Variants in ADGB observed in about 807,000 individuals in gnomAD.
ADGB encodes the protein calpain-7-like protein.
Under a neutral mutation model 210.5 loss-of-function variants are expected in ADGB, and 172 were observed. The ratio of observed to expected loss-of-function variants is 0.82; its 90% CI spans 0.72 to 0.93. ADGB has a LOEUF of 0.93. ADGB is among the 40% of genes least tolerant of loss of function. ADGB has a pLI of 0.00. For synonymous variants in ADGB, 658 were observed against 662.7 expected (o/e 0.99, Z 0.11); for missense variants, 2,025 against 1,964.8 (o/e 1.03, Z -0.58).
At chr6:146,713,741 T>G (rs547936239) in intron 13 of ADGB, among the ~76,000 whole-genome samples, 1 of 151,588 alleles carries the variant, frequency 6.6e-6, no homozygotes, top group Admixed American at 6.6e-5. Context: ...AGAAGTTTTC[T>G]TTTTTTTTAT....
chr6:146,797,391 TAC>T (rs1778061418), intron 33 of ADGB, among the ~76,000 whole-genome samples: 1 of 152,096 alleles, frequency 6.6e-6, no homozygotes, highest in African/African-American at 2.4e-5. Flanking sequence ...AAAAGACACT[TAC>T]ACACACATGT....
Position 146,788,409 on chromosome 6 carries a change from G to A in ADGB, c.4336G>A (p.Val1446Ile), listed in dbSNP as rs779358253. 115 of 1,551,518 alleles carry A rather than the reference G, an allele frequency of 7.4e-5. No homozygotes were observed. Among genetic ancestry groups the A allele is most frequent in the Middle Eastern group, 1.7e-4 (1 of 5,994 alleles). ...KEEVETAARG[V>I]KEPNSKNSAG... Reference sequence around the variant, plus strand: ...TGTAGTAGAAACAGCTGCACGTGGCGTAAAAGAACCAAACTCAAAGAATTC... The same window carrying A: ...TGTAGTAGAAACAGCTGCACGTGGCATAAAAGAACCAAACTCAAAGAATTC... Residue 1446 changes from valine (V) to isoleucine (I), a missense_variant, in exon 33 of 36, where the codon GTA (valine) becomes ATA (isoleucine). Val to Ile is a conservative substitution (Grantham distance 29). Coordinates refer to ENST00000397944, the MANE Select transcript of ADGB (RefSeq NM_024694.4).
intron 19 of ADGB, among the ~76,000 whole-genome samples, chr6:146,727,647 A>AG (rs1189976406): frequency 6.6e-6 from 1 of 152,198 alleles, no homozygotes; most frequent in Non-Finnish European, 1.5e-5. Flanking sequence ...CTCAAGTCCA[A>AG]GAAGCAAAAG....
Position 146,599,101 on chromosome 6 carries a change from G to T in ADGB, c.61G>T (p.Asp21Tyr). Residue 21 changes from aspartate to tyrosine, a missense_variant, in exon 1 of 36, where the codon GAT becomes TAT. Physicochemically the swap from Asp to Tyr is radical, Grantham distance 160. Transcript: ENST00000397944. Reference protein sequence around the residue: ...VHRINSAHGSDKSKDFYPFGS... With the variant: ...VHRINSAHGSYKSKDFYPFGS... The stretch of plus-strand genomic sequence containing the variant: ...TCGTATCAACTCGGCGCACGGATCG[G>T]ATAAATCGAAAGAGTAAGGGACCTC... 6.4e-7 allele frequency: 1 copy of T among 1,551,680 alleles called. No homozygotes were observed. Among genetic ancestry groups the T allele is most frequent in the Non-Finnish European group, 8.7e-7 (1 of 1,146,952 alleles).
At chr6:146,634,513 A>G (rs1397716761) in intron 1 of ADGB, among the ~76,000 whole-genome samples, 4 of 152,120 alleles carry the variant, frequency 2.6e-5, no homozygotes, top group African/African-American at 4.8e-5. Context: ...TGAACATTAA[A>G]TAATATACCT....
intron 10 of ADGB, among the ~76,000 whole-genome samples, chr6:146,686,577 G>C (rs1218853637): frequency 1.3e-5 from 2 of 151,920 alleles, no homozygotes; most frequent in Admixed American, 1.3e-4. Context: ...TATGTTTAGT[G>C]CTTGCGTAGT....
In ADGB at chr6:146,648,847, G is replaced by A. The variant is rs1034067440; in HGVS notation, c.330+3982G>A. 2.6e-5 allele frequency among the ~76,000 whole-genome samples: 4 copies of A among 151,488 alleles called. 1 individual carries two copies. In the South Asian group the frequency reaches 6.3e-4, roughly 24 times the overall value. On this transcript the variant is annotated intron_variant, in intron 3 of 35. Coordinates refer to ENST00000397944, the MANE Select transcript of ADGB (RefSeq NM_024694.4). The stretch of plus-strand genomic sequence containing the variant: ...ATATTAACTAAAATTTATATTTTTA[G>A]TAATGTTAAATTTTCATGAAAACCT...
chr6:146,624,796 A>C (rs552406930), intron 1 of ADGB, among the ~76,000 whole-genome samples: 7 of 152,006 alleles, frequency 4.6e-5, no homozygotes, highest in Non-Finnish European at 1.0e-4. Flanking sequence ...TATTTTATTC[A>C]AAATGTTTTC....
chr6:146,769,249 TTATAATTTGTACTC>T (rs1777619654), intron 29 of ADGB, 118 bp downstream of exon 29: 1 of 531,538 alleles, frequency 1.9e-6, no homozygotes, highest in African/African-American at 1.9e-5. Flanking sequence ...TTATTACACA[TTATAATTTGTACTC>T]TATATCCTGT....
chr6:146,637,385 A>C (rs756508379), intron 2 of ADGB, among the ~76,000 whole-genome samples: 49 of 152,006 alleles, frequency 3.2e-4, no homozygotes, highest in Non-Finnish European at 3.7e-4. Context: ...AAAATTTTGC[A>C]TATAATTTTA....
chr6:146,784,110 C>G (rs1777838607), intron 30 of ADGB, among the ~76,000 whole-genome samples: 1 of 152,262 alleles, frequency 6.6e-6, no homozygotes, highest in African/African-American at 2.4e-5. Flanking sequence ...ATGACCCTAT[C>G]AAGATATAAA....
chr6:146,648,384 G>A (rs1775652525), intron 3 of ADGB, among the ~76,000 whole-genome samples: 1 of 151,946 alleles, frequency 6.6e-6, no homozygotes, highest in African/African-American at 2.4e-5. Flanking sequence ...CTACTATAAA[G>A]ACATACCTGA....
At chr6:146,670,913 G>A (rs970764540) in intron 7 of ADGB, among the ~76,000 whole-genome samples, 2 of 152,208 alleles carry the variant, frequency 1.3e-5, no homozygotes, top group Admixed American at 6.6e-5. Context: ...AATTCCTGCA[G>A]AGGATAATAC....
chr6:146,614,980 A>C (rs942398471), intron 1 of ADGB, among the ~76,000 whole-genome samples: 1 of 152,068 alleles, frequency 6.6e-6, no homozygotes, highest in Non-Finnish European at 1.5e-5. Context: ...GGCTCCCTGC[A>C]GGCTTCGCCT....
Position 146,733,929 on chromosome 6 carries a change from G to A in ADGB, c.2693G>A (p.Ser898Asn). ...WLDVKYCMPT[S>N]DKEYSAEEVA... Reference sequence around the variant, plus strand: ...GACGTTAAATATTGTATGCCCACAAGTGATAAAGAGTATTCTGCTGAGGAA... The same window carrying A: ...GACGTTAAATATTGTATGCCCACAAATGATAAAGAGTATTCTGCTGAGGAA... Residue 898 changes from serine to asparagine, a missense_variant, in exon 22 of 36, where the codon AGT (serine) becomes AAT (asparagine). Physicochemically the swap from Ser to Asn is conservative, Grantham distance 46. Coordinates refer to ENST00000397944, the MANE Select transcript of ADGB (RefSeq NM_024694.4). The A allele has an allele frequency of 1.3e-6, 2 of 1,551,644 alleles. No individual in the cohort carries two copies. The highest frequency in any genetic ancestry group is 1.7e-6 in the Non-Finnish European group (2 of 1,146,982).
intron 28 of ADGB, among the ~76,000 whole-genome samples, chr6:146,766,173 A>G (rs1373825833): frequency 2.0e-5 from 3 of 151,706 alleles, no homozygotes; most frequent in Non-Finnish European, 4.4e-5. Flanking sequence ...CTATAATTCC[A>G]GCACTTTGGG....
intron 1 of ADGB, among the ~76,000 whole-genome samples, chr6:146,620,587 T>G (rs1354126900): frequency 1.3e-5 from 2 of 152,090 alleles, no homozygotes; most frequent in African/African-American, 4.8e-5. Flanking sequence ...TTCTAATGAT[T>G]TTTTTCAGGT....
chr6:146,604,623 C>A (rs1337965365), intron 1 of ADGB, among the ~76,000 whole-genome samples: 1 of 152,020 alleles, frequency 6.6e-6, no homozygotes, highest in Non-Finnish European at 1.5e-5. Flanking sequence ...ATAGCTTATT[C>A]TTTATGCTTA....
intron 23 of ADGB, among the ~76,000 whole-genome samples, chr6:146,739,462 C>T (rs573980679): frequency 9.2e-5 from 14 of 152,246 alleles, no homozygotes; most frequent in Non-Finnish European, 1.8e-4. Context: ...GATGGTTACC[C>T]TATTATTTGT....
Sources: allele counts gnomAD v4.1 joint callset (sites outside exome capture counted in the v4.1 genomes callset), GRCh38; gene constraint gnomAD v4.1.1; transcripts MANE v1.5; gene names NCBI Gene and HGNC (gene_info 2026-07-23, HGNC 2026-07-21).